The following VPS13C variants were observed in gnomAD, a reference collection of about 807,000 sequenced individuals.
VPS13C encodes the protein intermembrane lipid transfer protein VPS13C.
In VPS13C, 358 loss-of-function variants were observed where a neutral mutation model predicts 456.8. That is an observed-to-expected ratio of 0.78 (90% confidence interval 0.72 to 0.86). VPS13C has a LOEUF of 0.86. Ranked by LOEUF, VPS13C falls within the 40% of genes least tolerant of loss-of-function variation. The pLI is 0.00. For synonymous variants in VPS13C, 1,578 were observed against 1,486.7 expected, an observed-to-expected ratio of 1.06 and a Z score of -1.41; for missense variants, 4,818 against 4,385.4, an observed-to-expected ratio of 1.10 and a Z score of -2.79.
intron 24 of VPS13C, among the ~76,000 whole-genome samples, chr15:61,976,259 C>T (rs952341415): frequency 6.6e-6 from 1 of 151,794 alleles, no homozygotes; most frequent in African/African-American, 2.4e-5. Flanking sequence ...TATCAGTGAA[C>T]GACTGATACA....
At chr15:61,876,476 G>A (rs936471662) in intron 75 of VPS13C, among the ~76,000 whole-genome samples, 4 of 151,892 alleles carry the variant, frequency 2.6e-5, no homozygotes, top group Non-Finnish European at 4.4e-5. Flanking sequence ...CATAATGTCT[G>A]TATATGTAAT....
intron 78 of VPS13C, 123 bp downstream of exon 78, chr15:61,873,123 T>A: frequency 7.0e-7 from 1 of 1,419,146 alleles, no homozygotes; most frequent in Non-Finnish European, 9.4e-7. Context: ...AAGTCCATCA[T>A]TTATCATTCT....
intron 30 of VPS13C, among the ~76,000 whole-genome samples, chr15:61,965,165 G>A (rs1044829066): frequency 5.3e-5 from 8 of 151,758 alleles, no homozygotes; most frequent in Admixed American, 6.6e-5. Context: ...ACATACAGAC[G>A]GCTTCTTGGA....
chr15:61,978,950 G>T (rs1261578509), intron 22 of VPS13C, among the ~76,000 whole-genome samples: 1 of 152,146 alleles, frequency 6.6e-6, no homozygotes, highest in Non-Finnish European at 1.5e-5. Context: ...CTCTACTAAA[G>T]TTGAGAAATA....
chr15:61,962,695 G>A (rs2045249113), intron 33 of VPS13C, 54 bp downstream of exon 33: 2 of 1,370,284 alleles, frequency 1.5e-6, no homozygotes, highest in African/African-American at 1.5e-5. Flanking sequence ...TTTTACAATA[G>A]AAGCTCATAT....
chr15:62,046,260 A>G (rs1490590804), intron 1 of VPS13C, among the ~76,000 whole-genome samples: 1 of 152,186 alleles, frequency 6.6e-6, no homozygotes, highest in Non-Finnish European at 1.5e-5. Context: ...TCAGGGTGAA[A>G]GACGTAGAGT....
intron 6 of VPS13C, among the ~76,000 whole-genome samples, chr15:62,027,226 T>A (rs187830927): frequency 1.3e-5 from 2 of 152,160 alleles, no homozygotes; most frequent in Admixed American, 1.3e-4. Context: ...CTCATTTTTT[T>A]ATCTACGTTA....
rs1183748073 is a variant in VPS13C, at chr15:61,993,976, G to A, written c.1354-2174C>T. Among the ~76,000 whole-genome samples the A allele has an allele frequency of 2.0e-5, 3 of 151,808 alleles. No homozygotes were observed. The East Asian group carries it at 5.8e-4, about 29-fold the overall frequency. On this transcript the variant is annotated intron_variant, in intron 16 of 84. Coordinates refer to ENST00000644861, the MANE Select transcript of VPS13C (RefSeq NM_020821.3). Reference sequence around the variant, plus strand: ...TTTCAAAGCATATATATATATATATGAGACCAAAAATAAATAAAAATATAC... The same window carrying A: ...TTTCAAAGCATATATATATATATATAAGACCAAAAATAAATAAAAATATAC...
intron 82 of VPS13C, 73 bp from the exon 83 acceptor site, chr15:61,856,482 A>C: frequency 1.3e-6 from 2 of 1,563,118 alleles, no homozygotes; most frequent in Non-Finnish European, 1.7e-6. Flanking sequence ...ATTTCACCCT[A>C]CTGGATGGCA....
chr15:62,057,857 C>T (rs190516862), intron 1 of VPS13C, among the ~76,000 whole-genome samples: 2 of 152,288 alleles, frequency 1.3e-5, no homozygotes, highest in Admixed American at 1.3e-4. Flanking sequence ...AAACCATTAT[C>T]AGAAGAACAG....
intron 82 of VPS13C, among the ~76,000 whole-genome samples, chr15:61,857,925 G>A (rs1894009757): frequency 6.6e-6 from 1 of 152,084 alleles, no homozygotes; most frequent in Non-Finnish European, 1.5e-5. Flanking sequence ...GTATGGGATG[G>A]TCTTGTGCAC....
At chr15:62,019,124 C>A (rs1229724871) in intron 9 of VPS13C, among the ~76,000 whole-genome samples, 1 of 152,044 alleles carries the variant, frequency 6.6e-6, no homozygotes, top group Non-Finnish European at 1.5e-5. Context: ...TCTGTGGGAT[C>A]GGTGGTGATA....
chr15:62,023,396 A>G lies in VPS13C; in HGVS notation c.624+15T>C. ...ACATATTTAATTATTAACTGAGTAA[A>G]TAAAAATTACTTACATCATCTTCAT... On this transcript the variant is annotated intron_variant, in intron 8 of 84. Transcript: ENST00000644861. The G allele has an allele frequency of 7.3e-7, 1 of 1,366,596 alleles. No homozygotes were observed. The highest frequency in any genetic ancestry group is 9.9e-7 in the Non-Finnish European group (1 of 1,011,120). 84.7% of individuals were successfully genotyped at this position (1,366,596 alleles called of 1,614,324 possible).
intron 39 of VPS13C, 144 bp from the exon 40 acceptor site, chr15:61,951,168 C>CCTG: frequency 1.9e-6 from 1 of 517,316 alleles, no homozygotes; most frequent in Non-Finnish European, 3.4e-6. Context: ...CTGTATAAAT[C>CCTG]TTACCTCAAT....
intron 78 of VPS13C, among the ~76,000 whole-genome samples, 170 bp downstream of exon 78, chr15:61,873,075 TG>T (rs975990298): frequency 2.0e-5 from 3 of 151,978 alleles, no homozygotes; most frequent in African/African-American, 7.3e-5. Flanking sequence ...ATAGATCTGG[TG>T]GTGACAATGG....
chr15:61,938,488 C>T (rs1567025389), intron 47 of VPS13C, among the ~76,000 whole-genome samples: 2 of 152,094 alleles, frequency 1.3e-5, no homozygotes. Context: ...AGACTATGAC[C>T]AAAGGGGGGT....
intron 1 of VPS13C, among the ~76,000 whole-genome samples, chr15:62,049,782 C>T (rs1055953711): frequency 3.3e-5 from 5 of 152,080 alleles, no homozygotes; most frequent in African/African-American, 1.2e-4. Flanking sequence ...TTTCATTGAG[C>T]AGTGGTTTGT....
intron 24 of VPS13C, among the ~76,000 whole-genome samples, chr15:61,974,796 C>CTA (rs1484844165): frequency 6.6e-6 from 1 of 152,138 alleles, no homozygotes; most frequent in Non-Finnish European, 1.5e-5. Flanking sequence ...TTATTTCTTT[C>CTA]TATATATAGC....
intron 9 of VPS13C, among the ~76,000 whole-genome samples, chr15:62,017,909 T>G (rs2047316949): frequency 6.6e-6 from 1 of 152,242 alleles, no homozygotes; most frequent in African/African-American, 2.4e-5. Context: ...TGATTCTTCC[T>G]ATCCATGAGC....
Sources: gnomAD v4.1 joint callset for allele counts (sites outside exome capture counted in the v4.1 genomes callset) on GRCh38, gnomAD v4.1.1 for gene constraint, MANE v1.5 for transcripts, NCBI Gene and HGNC (gene_info 2026-07-23, HGNC 2026-07-21) for gene names.